Variants in SAMD3 observed in about 807,000 individuals in gnomAD.
The protein encoded by SAMD3 is sterile alpha motif domain containing 3.
SAMD3 carries 63 observed loss-of-function variants against 58.5 expected under a neutral mutation model. The observed-to-expected ratio is 1.08, with a 90% CI of 0.88 to 1.33. SAMD3 has a LOEUF of 1.33. Ranked by LOEUF, SAMD3 falls within the 40% of genes most tolerant of loss-of-function variation. SAMD3 has a pLI of 0.00. For synonymous variants in SAMD3, 220 were observed against 210.3 expected (o/e 1.05, Z -0.40); for missense variants, 604 against 608.4 (o/e 0.99, Z 0.08).
intron 8 of SAMD3, among the ~76,000 whole-genome samples, chr6:130,168,518 C>T (rs1344680338): frequency 6.6e-6 from 1 of 152,116 alleles, no homozygotes; most frequent in African/African-American, 2.4e-5. Context: ...TCCCATCAGA[C>T]CACCAAAGGA....
At chr6:130,291,244 C>A (rs1775351532) in intron 2 of SAMD3, among the ~76,000 whole-genome samples, 1 of 152,196 alleles carries the variant, frequency 6.6e-6, no homozygotes, top group Admixed American at 6.5e-5. Context: ...GCACCTGCCA[C>A]CACACCTGGC....
At chr6:130,321,344 T>C (rs1342924096) in intron 1 of SAMD3, among the ~76,000 whole-genome samples, 1 of 152,062 alleles carries the variant, frequency 6.6e-6, no homozygotes, top group Admixed American at 6.5e-5. Flanking sequence ...AAGCAGATAC[T>C]CTCCCAGTTA....
rs1015406821 is a variant in SAMD3 at position 130,153,916 on chromosome 6, A to G, written c.1023+909T>C. On this transcript the variant is annotated intron_variant, in intron 9 of 11. Transcript: ENST00000439090. Reference sequence around the variant, plus strand: ...GGTCTTGAACTCCTGGGCTCAAGCAATCCACCCACCTCAGCCTCCCAAAGT... The same window carrying G: ...GGTCTTGAACTCCTGGGCTCAAGCAGTCCACCCACCTCAGCCTCCCAAAGT... 4.6e-5 allele frequency among the ~76,000 whole-genome samples: 7 copies of G among 151,934 alleles called. No individual in the cohort carries two copies. The East Asian group carries it at 1.4e-3, about 30-fold the overall frequency.
intron 8 of SAMD3, among the ~76,000 whole-genome samples, chr6:130,159,255 C>G (rs1582748509): frequency 6.6e-6 from 1 of 152,210 alleles, no homozygotes; most frequent in Non-Finnish European, 1.5e-5. Flanking sequence ...CACAAGCTCT[C>G]TGTTTGCCTG....
chr6:130,153,653 T>A (rs1789426692), intron 9 of SAMD3, among the ~76,000 whole-genome samples: 1 of 89,106 alleles, frequency 1.1e-5, no homozygotes, highest in Admixed American at 1.2e-4. Flanking sequence ...ATTTCATATA[T>A]ATATATATAT....
At chr6:130,213,003 C>A (rs1162249631) in intron 4 of SAMD3, among the ~76,000 whole-genome samples, 2 of 152,252 alleles carry the variant, frequency 1.3e-5, no homozygotes, top group Non-Finnish European at 1.5e-5. Flanking sequence ...TGGTTAGGGG[C>A]CGGGCAAAGC....
intron 5 of SAMD3, among the ~76,000 whole-genome samples, chr6:130,200,085 A>G (rs1794503565): frequency 6.6e-6 from 1 of 151,924 alleles, no homozygotes; most frequent in African/African-American, 2.4e-5. Context: ...TGGGGCCCTA[A>G]TTCATCAAAA....
intron 2 of SAMD3, among the ~76,000 whole-genome samples, chr6:130,249,494 G>A (rs1562480448): frequency 6.6e-6 from 1 of 152,120 alleles, no homozygotes. Context: ...TCCAGCATCT[G>A]TACTTACGGC....
Position 130,348,479 on chromosome 6 carries a change from G to C in SAMD3, c.-304+16641C>G, listed in dbSNP as rs183589715. ...ACCAACAAAGATCAAAAGAGACAAA[G>C]AAGGCCATTACATAATGGTAAAGGG... On this transcript the variant is annotated intron_variant, in intron 1 of 13. Transcript: ENST00000368134. 3.1e-3 allele frequency among the ~76,000 whole-genome samples: 465 copies of C among 152,250 alleles called. 4 individuals carry two copies. The highest frequency in any genetic ancestry group is 0.011 in the African/African-American group (444 of 41,528).
At chr6:130,211,259 A>G (rs1562452807) in intron 4 of SAMD3, among the ~76,000 whole-genome samples, 1 of 147,122 alleles carries the variant, frequency 6.8e-6, no homozygotes. Context: ...AATTCTTTCA[A>G]TCAATTGCCA....
chr6:130,337,682 T>C (rs1777144516), intron 1 of SAMD3, among the ~76,000 whole-genome samples: 1 of 152,200 alleles, frequency 6.6e-6, no homozygotes. Flanking sequence ...AAGCCCAGGC[T>C]GAGCTGGTCT....
At chr6:130,193,364 T>C (rs112125004) in intron 5 of SAMD3, among the ~76,000 whole-genome samples, 55,504 of 151,710 alleles carry the variant, frequency 0.37, 10,389 homozygotes, top group East Asian at 0.53. Context: ...TTCTGTGCCC[T>C]GACCTCTTAC....
chr6:130,266,899 A>C (rs1406148791), intron 2 of SAMD3, among the ~76,000 whole-genome samples: 5 of 152,220 alleles, frequency 3.3e-5, no homozygotes, highest in Non-Finnish European at 5.9e-5. Flanking sequence ...CCACTTGGGC[A>C]CAAGATGGCT....
intron 5 of SAMD3, 122 bp downstream of exon 5, chr6:130,209,373 T>A: frequency 1.9e-6 from 1 of 525,568 alleles, no homozygotes; most frequent in Non-Finnish European, 3.4e-6. Flanking sequence ...AAAAATATAT[T>A]CCCTTCCAGG....
intron 2 of SAMD3, among the ~76,000 whole-genome samples, chr6:130,302,112 C>T (rs1775765997): frequency 6.6e-6 from 1 of 152,074 alleles, no homozygotes; most frequent in Non-Finnish European, 1.5e-5. Flanking sequence ...AGAGCTTCTG[C>T]ACAGCAAACA....
At chr6:130,271,612 C>G (rs775058932) in intron 2 of SAMD3, among the ~76,000 whole-genome samples, 1 of 151,980 alleles carries the variant, frequency 6.6e-6, no homozygotes, top group African/African-American at 2.4e-5. Context: ...TTGTTATTTG[C>G]GTTTGACTTT....
At chr6:130,161,693 A>G (rs920087967) in intron 8 of SAMD3, 1 of 152,246 alleles carries the variant, frequency 6.6e-6, no homozygotes, top group African/African-American at 2.4e-5. Flanking sequence ...CACCTAGTCC[A>G]TGCCTCACAC....
intron 7 of SAMD3, among the ~76,000 whole-genome samples, chr6:130,182,220 T>C (rs545540590): frequency 4.0e-5 from 6 of 151,890 alleles, no homozygotes; most frequent in Non-Finnish European, 8.8e-5. Context: ...GCCAGGTTTG[T>C]GTAGTATTGT....
intron 2 of SAMD3, chr6:130,312,885 G>A (rs1188884592): frequency 6.6e-6 from 1 of 152,136 alleles, no homozygotes; most frequent in Non-Finnish European, 1.5e-5. Flanking sequence ...TATCTGGCTG[G>A]TTATTCTTTT....
Sources: allele counts gnomAD v4.1 joint callset (sites outside exome capture counted in the v4.1 genomes callset), GRCh38; gene constraint gnomAD v4.1.1; transcripts MANE v1.5; gene names NCBI Gene and HGNC (gene_info 2026-07-23, HGNC 2026-07-21).